TENM2: variants seen among roughly 807,000 people sequenced by gnomAD.
TENM2 encodes teneurin-2.
Under a neutral mutation model 245.2 loss-of-function variants are expected in TENM2, and 52 were observed. The observed-to-expected ratio is 0.21, with a 90% CI of 0.17 to 0.27. The LOEUF is 0.27. TENM2 is among the 10% of genes least tolerant of loss of function. TENM2 has a pLI of 1.00. For missense variants in TENM2, 3,046 were observed against 3,666.8 expected, an observed-to-expected ratio of 0.83 and a Z score of 4.37; for synonymous variants, 1,363 against 1,438.9, an observed-to-expected ratio of 0.95 and a Z score of 1.19.
intron 2 of TENM2, among the ~76,000 whole-genome samples, chr5:167,802,515 GA>G (rs1227022344): frequency 6.6e-6 from 1 of 152,132 alleles, no homozygotes; most frequent in Non-Finnish European, 1.5e-5. Context: ...AAATAATGTG[GA>G]ATCATTCTAA....
rs1298513478 is a variant in TENM2 at position 167,940,757 on chromosome 5, C to T, written c.713-11831C>T. Among the ~76,000 whole-genome samples, 3 of 152,304 alleles carry T rather than the reference C, an allele frequency of 2.0e-5. No individual in the cohort carries two copies. The East Asian group carries it at 5.8e-4, about 29-fold the overall frequency. ...AGGCTGATATTCTGGGCAATTCCTACACACCACACAAGTCCCAGATTTAAA... is the reference window on the plus strand; with the variant it reads ...AGGCTGATATTCTGGGCAATTCCTATACACCACACAAGTCCCAGATTTAAA... On this transcript the variant is annotated intron_variant, in intron 3 of 28. Coordinates refer to ENST00000518659, the Ensembl canonical transcript of TENM2.
chr5:167,427,082 A>T (rs900945935), intron 2 of TENM2, among the ~76,000 whole-genome samples: 1 of 152,192 alleles, frequency 6.6e-6, no homozygotes, highest in Non-Finnish European at 1.5e-5. Flanking sequence ...AAAGTAAAAA[A>T]AAGGATGAAA....
intron 2 of TENM2, among the ~76,000 whole-genome samples, chr5:167,769,302 T>G (rs1200538073): frequency 1.3e-5 from 2 of 152,236 alleles, no homozygotes. Context: ...TTGTGCCATT[T>G]AACTGATAAC....
chr5:167,341,166 CA>C (rs1758078290), intron 1 of TENM2, among the ~76,000 whole-genome samples: 2 of 152,164 alleles, frequency 1.3e-5, no homozygotes, highest in African/African-American at 4.8e-5. Flanking sequence ...CACCGTTTCT[CA>C]AAAACAGGTC....
At chr5:167,178,786 A>G in the TENM2 span, among the ~76,000 whole-genome samples, 1 of 152,212 alleles carries the variant, frequency 6.6e-6, no homozygotes, top group Non-Finnish European at 1.5e-5. Context: ...GAGGGAAAAG[A>G]GTCACATTGA....
chr5:167,950,514 G>A (rs1780002857), intron 3 of TENM2, among the ~76,000 whole-genome samples: 1 of 152,108 alleles, frequency 6.6e-6, no homozygotes, highest in South Asian at 2.1e-4. Context: ...GGGCTGGGGA[G>A]GGCAGGTTCT....
chr5:167,477,604 C>CT (rs35709199), intron 2 of TENM2, among the ~76,000 whole-genome samples: 1 of 152,094 alleles, frequency 6.6e-6, no homozygotes, highest in East Asian at 1.9e-4. Flanking sequence ...TACCAGTCAC[C>CT]TTTTTAGTAT....
At chr5:167,485,243 G>GT (rs1471744223) in intron 2 of TENM2, among the ~76,000 whole-genome samples, 2 of 152,152 alleles carry the variant, frequency 1.3e-5, no homozygotes, top group African/African-American at 4.8e-5. Flanking sequence ...AGACAGGAAA[G>GT]TAAGAGGCTC....
intron 2 of TENM2, among the ~76,000 whole-genome samples, chr5:167,600,299 T>C (rs570534136): frequency 1.3e-5 from 2 of 151,994 alleles, no homozygotes; most frequent in African/African-American, 2.4e-5. Flanking sequence ...TTAAAGAAGA[T>C]TGATTTGGGC....
chr5:167,830,033 G>T (rs1160726788), intron 2 of TENM2, among the ~76,000 whole-genome samples: 1 of 152,196 alleles, frequency 6.6e-6, no homozygotes, highest in Non-Finnish European at 1.5e-5. Context: ...TGGGGGACTG[G>T]AAAAATGCAT....
the TENM2 span, among the ~76,000 whole-genome samples, chr5:167,138,815 G>T: frequency 6.6e-6 from 1 of 151,994 alleles, no homozygotes; most frequent in Non-Finnish European, 1.5e-5. Flanking sequence ...TAGAGACAGC[G>T]TTTCACCATG....
At chr5:168,029,268 G>A (rs997725363) in intron 5 of TENM2, among the ~76,000 whole-genome samples, 12 of 152,116 alleles carry the variant, frequency 7.9e-5, no homozygotes, top group Non-Finnish European at 1.2e-4. Context: ...TACGAATTCT[G>A]GGGAGGGATA....
intron 7 of TENM2, among the ~76,000 whole-genome samples, chr5:168,076,422 C>T (rs1791484448): frequency 6.6e-6 from 1 of 151,932 alleles, no homozygotes; most frequent in Admixed American, 6.6e-5. Context: ...GACGGGGTTT[C>T]ACAATGTTGG....
chr5:167,174,067 G>A, the TENM2 span, among the ~76,000 whole-genome samples: 1 of 150,464 alleles, frequency 6.6e-6, no homozygotes, highest in Admixed American at 6.6e-5. Flanking sequence ...AATAAAGACA[G>A]AGCTATGGTG....
intron 5 of TENM2, among the ~76,000 whole-genome samples, chr5:168,018,762 C>T (rs903382072): frequency 1.3e-5 from 2 of 152,176 alleles, no homozygotes; most frequent in Non-Finnish European, 2.9e-5. Context: ...TAAGGACAGA[C>T]TTTGTCCTTT....
the TENM2 span, among the ~76,000 whole-genome samples, chr5:167,276,035 C>T: frequency 6.6e-6 from 1 of 151,918 alleles, no homozygotes; most frequent in Admixed American, 6.6e-5. Flanking sequence ...GTCTTGCATC[C>T]TCAGAATAAA....
chr5:167,510,008 C>T (rs1769827147), intron 2 of TENM2, among the ~76,000 whole-genome samples: 1 of 152,146 alleles, frequency 6.6e-6, no homozygotes, highest in Non-Finnish European at 1.5e-5. Flanking sequence ...GGCTGTCTTT[C>T]ACTATCAATG....
At chr5:167,687,057 G>A (rs948715371) in intron 2 of TENM2, among the ~76,000 whole-genome samples, 2 of 152,120 alleles carry the variant, frequency 1.3e-5, no homozygotes, top group African/African-American at 4.8e-5. Flanking sequence ...AGGGAATCTA[G>A]AGTATGGGGG....
rs78981249 is a variant in TENM2, at chr5:167,786,798, G to A, written c.503-89188G>A. Among the ~76,000 whole-genome samples, 9 of 152,286 alleles carry A rather than the reference G, an allele frequency of 5.9e-5. No homozygotes were observed. In the East Asian group the frequency reaches 1.5e-3, roughly 26 times the overall value. ...CAGGAGCTTTAACTTAGCACATAGG[G>A]GTTTGGACTTTGTTGGGCCACATCT... On this transcript the variant is annotated intron_variant, in intron 2 of 28. Transcript: ENST00000518659.
Sources: allele counts gnomAD v4.1 joint callset (sites outside exome capture counted in the v4.1 genomes callset), GRCh38; gene constraint gnomAD v4.1.1; transcripts MANE v1.5; gene names NCBI Gene and HGNC (gene_info 2026-07-23, HGNC 2026-07-21).